Variants in SEMA3D observed in about 807,000 individuals in gnomAD.
The protein encoded by SEMA3D is semaphorin-3D.
In SEMA3D, 84 loss-of-function variants were observed where a neutral mutation model predicts 100.1. The ratio of observed to expected loss-of-function variants is 0.84; its 90% confidence interval spans 0.70 to 1.01. The LOEUF (loss-of-function observed/expected upper bound fraction) is 1.01, where lower values mean the gene tolerates loss of function less well. SEMA3D is among the 50% of genes least tolerant of loss of function. SEMA3D has a pLI of 0.00. For missense variants in SEMA3D, 875 were observed against 934.1 expected, an observed-to-expected ratio of 0.94 and a Z score of 0.82; for synonymous variants, 312 against 320.7, an observed-to-expected ratio of 0.97 and a Z score of 0.29.
intron 5 of SEMA3D, among the ~76,000 whole-genome samples, chr7:85,075,678 A>AT (rs1481626191): frequency 6.6e-6 from 1 of 152,128 alleles, no homozygotes; most frequent in Non-Finnish European, 1.5e-5. Flanking sequence ...GCTCAGTCAA[A>AT]TTTTTCTGTA....
At chr7:85,238,583 T>C in the SEMA3D span, among the ~76,000 whole-genome samples, 1 of 152,204 alleles carries the variant, frequency 6.6e-6, no homozygotes, top group Admixed American at 6.5e-5. Flanking sequence ...TACAACACTG[T>C]CACTATTACT....
the SEMA3D span, among the ~76,000 whole-genome samples, chr7:85,209,317 T>C: frequency 3.9e-5 from 6 of 151,982 alleles, no homozygotes; most frequent in African/African-American, 1.4e-4. Context: ...TATGTATATG[T>C]ATACACACAC....
the SEMA3D span, among the ~76,000 whole-genome samples, chr7:85,206,474 A>C: frequency 6.6e-6 from 1 of 152,082 alleles, no homozygotes; most frequent in African/African-American, 2.4e-5. Context: ...TGCCTATTGT[A>C]GTTCTTTTCC....
At chr7:85,215,654 T>G in the SEMA3D span, among the ~76,000 whole-genome samples, 1 of 152,116 alleles carries the variant, frequency 6.6e-6, no homozygotes, top group Non-Finnish European at 1.5e-5. Flanking sequence ...ATAACTACTA[T>G]AACAGAAATT....
At chr7:85,213,530 T>G in the SEMA3D span, among the ~76,000 whole-genome samples, 1 of 152,062 alleles carries the variant, frequency 6.6e-6, no homozygotes, top group Non-Finnish European at 1.5e-5. Context: ...TACACACTTA[T>G]CTCTTAAATT....
At chr7:85,089,575 A>G (rs1788319996) in intron 4 of SEMA3D, among the ~76,000 whole-genome samples, 1 of 152,118 alleles carries the variant, frequency 6.6e-6, no homozygotes, top group Non-Finnish European at 1.5e-5. Context: ...ATATAGTAGA[A>G]CCTCAATAAA....
rs899270349 is a variant in SEMA3D, at chr7:84,996,061, ATTCTAAAGGGAGGCTAT to A, written c.*3362_*3378del. Reference sequence around the variant, plus strand: ...AAATGTTTTCTAAGAAAAATGTGACATTCTAAAGGGAGGCTATTTCAGTTTTGATTTCCATTTGTATT... The same window carrying A: ...AAATGTTTTCTAAGAAAAATGTGACATTCAGTTTTGATTTCCATTTGTATT... On this transcript the variant is annotated 3_prime_UTR_variant, in exon 19 of 19. Coordinates refer to ENST00000284136, the MANE Select transcript of SEMA3D (RefSeq NM_001384900.1). 2 of 151,792 alleles carry A rather than the reference ATTCTAAAGGGAGGCTAT, an allele frequency of 1.3e-5. No individual in the cohort carries two copies. Among genetic ancestry groups the A allele is most frequent in the African/African-American group, 4.8e-5 (2 of 41,372 alleles). The allele number at this position is 151,792 out of a possible 1,614,324, so 9.4% of individuals were successfully genotyped here.
At chr7:85,236,973 A>AT in the SEMA3D span, among the ~76,000 whole-genome samples, 1 of 152,136 alleles carries the variant, frequency 6.6e-6, no homozygotes, top group Non-Finnish European at 1.5e-5. Context: ...GATTTGTTGT[A>AT]TTTTTTTACC....
chr7:85,159,983 A>T (rs1026901351), intron 1 of SEMA3D: 5 of 983,634 alleles, frequency 5.1e-6, no homozygotes, highest in African/African-American at 1.7e-5. Context: ...CTCCAGAGGT[A>T]TCATATCTAC....
At chr7:85,164,069 T>C (rs1260746778) in intron 1 of SEMA3D, among the ~76,000 whole-genome samples, 1 of 152,094 alleles carries the variant, frequency 6.6e-6, no homozygotes, top group Non-Finnish European at 1.5e-5. Flanking sequence ...AAATGCTAAT[T>C]AGTTTGCAAT....
At chr7:85,064,697 G>C (rs572113501) in intron 8 of SEMA3D, among the ~76,000 whole-genome samples, 3 of 152,140 alleles carry the variant, frequency 2.0e-5, no homozygotes, top group Non-Finnish European at 4.4e-5. Flanking sequence ...TCACATGTTA[G>C]AGAATCATGA....
intron 17 of SEMA3D, among the ~76,000 whole-genome samples, chr7:85,007,925 T>A (rs1007629556): frequency 6.6e-6 from 1 of 151,810 alleles, no homozygotes; most frequent in East Asian, 1.9e-4. Context: ...TTCAAGAAAC[T>A]AATTTTGAAT....
the SEMA3D span, among the ~76,000 whole-genome samples, chr7:85,220,928 C>T: frequency 1.3e-5 from 2 of 152,160 alleles, no homozygotes; most frequent in South Asian, 4.1e-4. Flanking sequence ...GAGTTCAACA[C>T]AAAAGTGGAT....
At position 84,999,705 on chromosome 7, in the gene SEMA3D, TC is replaced by T; in HGVS notation, c.2068del (p.Glu690LysfsTer22). 6.2e-7 allele frequency: 1 copy of T among 1,614,100 alleles called. No individual in the cohort carries two copies. The highest frequency in any genetic ancestry group is 8.5e-7 in the Non-Finnish European group (1 of 1,180,018). On this transcript the variant is annotated frameshift_variant, in exon 19 of 19. Coordinates refer to ENST00000284136, the MANE Select transcript of SEMA3D (RefSeq NM_001384900.1). LOFTEE classifies it high-confidence loss of function. ...TLNVIENEQM[E>X]NTQRAEHEEG... ...CTCATGCTCTGCCCTCTGGGTATTT[TC>T]CATCTGTTCATTCTCAATGACATTC...
intron 3 of SEMA3D, 111 bp from the exon 4 acceptor site, chr7:85,098,076 A>G: frequency 1.5e-6 from 1 of 647,064 alleles, no homozygotes; most frequent in Non-Finnish European, 2.5e-6. Flanking sequence ...AAAGGAAAGA[A>G]AAAGAAAGAA....
At chr7:85,161,391 A>C (rs1043532851) in intron 1 of SEMA3D, among the ~76,000 whole-genome samples, 1 of 152,164 alleles carries the variant, frequency 6.6e-6, no homozygotes, top group African/African-American at 2.4e-5. Flanking sequence ...TATAAATAAC[A>C]TATAGATAGA....
chr7:85,009,110 T>C (rs1480489150), intron 17 of SEMA3D, among the ~76,000 whole-genome samples: 1 of 151,758 alleles, frequency 6.6e-6, no homozygotes, highest in African/African-American at 2.4e-5. Context: ...AAAAGTTATA[T>C]ACCATAGTGT....
At chr7:85,236,451 G>A in the SEMA3D span, among the ~76,000 whole-genome samples, 2 of 151,786 alleles carry the variant, frequency 1.3e-5, no homozygotes, top group African/African-American at 2.4e-5. Flanking sequence ...GGGACTACAG[G>A]CACGAGCCAC....
chr7:85,067,981 T>C (rs1791672571), intron 7 of SEMA3D, among the ~76,000 whole-genome samples: 1 of 152,150 alleles, frequency 6.6e-6, no homozygotes, highest in African/African-American at 2.4e-5. Context: ...ATTTAAAAAG[T>C]AACTGTGCAG....
Sources: gnomAD v4.1 joint callset for allele counts (sites outside exome capture counted in the v4.1 genomes callset) on GRCh38, gnomAD v4.1.1 for gene constraint, MANE v1.5 for transcripts, NCBI Gene and HGNC (gene_info 2026-07-23, HGNC 2026-07-21) for gene names.